The following NAALADL2 variants were observed in gnomAD, a reference collection of about 807,000 sequenced individuals.
The protein encoded by NAALADL2 is inactive N-acetylated-alpha-linked acidic dipeptidase-like protein 2.
In NAALADL2, 76 loss-of-function variants were observed where a neutral mutation model predicts 87.2. The ratio of observed to expected loss-of-function variants is 0.87; its 90% CI spans 0.72 to 1.05. The LOEUF (loss-of-function observed/expected upper bound fraction) is 1.05. Ranked by LOEUF, NAALADL2 falls within the 50% of genes least tolerant of loss-of-function variation. The pLI is 0.00. For missense variants in NAALADL2, 1,089 were observed against 945.8 expected, an observed-to-expected ratio of 1.15 and a Z score of -1.99; for synonymous variants, 354 against 331.0, an observed-to-expected ratio of 1.07 and a Z score of -0.75.
At chr3:174,493,082 G>A (rs1052442294) in intron 1 of NAALADL2, among the ~76,000 whole-genome samples, 9 of 152,112 alleles carry the variant, frequency 5.9e-5, no homozygotes, top group African/African-American at 1.9e-4. Context: ...GAAACATTCT[G>A]AAAACTTTCA....
intron 1 of NAALADL2, among the ~76,000 whole-genome samples, chr3:175,040,362 C>T (rs1753920466): frequency 6.6e-6 from 1 of 152,158 alleles, no homozygotes; most frequent in African/African-American, 2.4e-5. Context: ...GTGCACCATT[C>T]ACAGAGCCTG....
intron 2 of NAALADL2, among the ~76,000 whole-genome samples, chr3:174,667,285 G>T (rs525629): frequency 0.64 from 97,872 of 151,968 alleles, 32,253 homozygotes; most frequent in Admixed American, 0.73. Flanking sequence ...GCGAGGTCTG[G>T]TATAAAGAAA....
At chr3:175,795,889 G>T (rs1330287094) in intron 13 of NAALADL2, among the ~76,000 whole-genome samples, 1 of 151,734 alleles carries the variant, frequency 6.6e-6, no homozygotes, top group African/African-American at 2.4e-5. Context: ...TCTGGTTGTG[G>T]CTGGGCTGGG....
chr3:174,890,674 C>T (rs112953252), intron 1 of NAALADL2, among the ~76,000 whole-genome samples: 11 of 152,240 alleles, frequency 7.2e-5, no homozygotes, highest in African/African-American at 2.6e-4. Context: ...AGTCCAAAAA[C>T]AAGTGTGAGA....
Position 175,627,212 on chromosome 3 carries a change from C to T in NAALADL2, c.1801-79C>T, listed in dbSNP as rs1727106512. On this transcript the variant is annotated intron_variant, in intron 10 of 13. Coordinates refer to ENST00000454872, the MANE Select transcript of NAALADL2 (RefSeq NM_207015.3). ...AAGGCAATTTAGAGTCCTTTTTAAT[C>T]TTTAAGGAAAATCCAATAAACACTT... is the stretch of plus-strand genomic sequence containing the variant. 1.4e-5 allele frequency: 17 copies of T among 1,189,048 alleles called. 1 individual carries two copies. In the South Asian group the frequency reaches 2.4e-4, roughly 17 times the overall value. 73.7% of individuals were successfully genotyped at this position (1,189,048 alleles called of 1,614,324 possible). A position where few individuals can be genotyped will look rare whatever the true frequency, so the allele number is the denominator to read the frequency against.
intron 5 of NAALADL2, among the ~76,000 whole-genome samples, chr3:175,428,266 T>C (rs1420019742): frequency 6.6e-6 from 1 of 152,090 alleles, no homozygotes. Flanking sequence ...AGCTAGAAAA[T>C]GGGAAGTACT....
chr3:175,309,119 A>G lies in NAALADL2; in HGVS notation c.940-15056A>G, dbSNP rs192864689. Among the ~76,000 whole-genome samples the G allele has an allele frequency of 1.3e-3, 192 of 152,360 alleles. 1 individual carries two copies. Among genetic ancestry groups the G allele is most frequent in the African/African-American group, 4.4e-3 (181 of 41,584 alleles). On this transcript the variant is annotated intron_variant, in intron 4 of 13. Coordinates refer to ENST00000454872, the MANE Select transcript of NAALADL2 (RefSeq NM_207015.3). The stretch of plus-strand genomic sequence containing the variant: ...ATAGATCCCTTCTTTTTAATGAAGA[A>G]AAATGAATAATAAAGTAACAAATTT...
chr3:175,057,486 C>G (rs1158742194), intron 1 of NAALADL2, among the ~76,000 whole-genome samples: 3 of 152,178 alleles, frequency 2.0e-5, no homozygotes, highest in Admixed American at 6.5e-5. Flanking sequence ...ATGTAGGAGA[C>G]TTTTTGTATT....
intron 2 of NAALADL2, among the ~76,000 whole-genome samples, chr3:174,617,129 G>A (rs1346740746): frequency 6.6e-6 from 1 of 151,674 alleles, no homozygotes; most frequent in African/African-American, 2.4e-5. Context: ...CTGCTTTAAG[G>A]TACTAAATCT....
chr3:174,661,820 C>T lies in NAALADL2; in HGVS notation c.-114-75821C>T, dbSNP rs144671567. On this transcript the variant is annotated intron_variant, in intron 2 of 3. Transcript: ENST00000434257. The stretch of plus-strand genomic sequence containing the variant: ...ATAAAGAAAATGTGGTATACACATG[C>T]GTGCACGCACACACACACACACACG... Among the ~76,000 whole-genome samples, 876 of 152,114 alleles carry T rather than the reference C, an allele frequency of 5.8e-3. 7 individuals are homozygous for T. Among genetic ancestry groups the T allele is most frequent in the Non-Finnish European group, 9.7e-3 (661 of 67,964 alleles).
In NAALADL2 at chr3:175,104,678, A is replaced by G. The variant is rs868538; in HGVS notation, c.545+7387A>G. Reference sequence around the variant, plus strand: ...CAACTGCTATTTTAATTAGAGAAAAACATGTAAATGCATGCACATAATTCA... The same window carrying G: ...CAACTGCTATTTTAATTAGAGAAAAGCATGTAAATGCATGCACATAATTCA... On this transcript the variant is annotated intron_variant, in intron 2 of 13. Coordinates refer to ENST00000454872, the MANE Select transcript of NAALADL2 (RefSeq NM_207015.3). Among the ~76,000 whole-genome samples, 1,162 of 152,264 alleles carry G rather than the reference A, an allele frequency of 7.6e-3. 13 individuals carry two copies. The highest frequency in any genetic ancestry group is 0.026 in the African/African-American group (1,091 of 41,554).
At chr3:174,987,613 G>A (rs955653868) in intron 1 of NAALADL2, among the ~76,000 whole-genome samples, 1 of 134,646 alleles carries the variant, frequency 7.4e-6, no homozygotes, top group African/African-American at 2.8e-5. Context: ...ACTCATCAGA[G>A]AGCATTATTA....
intron 3 of NAALADL2, among the ~76,000 whole-genome samples, chr3:174,793,772 G>A (rs1203955512): frequency 6.6e-6 from 1 of 150,664 alleles, no homozygotes; most frequent in Non-Finnish European, 1.5e-5. Context: ...ACTGTTTACA[G>A]GTTTTGAAAA....
chr3:174,676,601 TTTC>T (rs1416562291), intron 2 of NAALADL2, among the ~76,000 whole-genome samples: 3 of 152,100 alleles, frequency 2.0e-5, no homozygotes, highest in African/African-American at 7.2e-5. Context: ...CTTAAAGATT[TTTC>T]TTCATCTATA....
At chr3:174,632,744 G>A (rs2108700781) in intron 2 of NAALADL2, among the ~76,000 whole-genome samples, 1 of 152,028 alleles carries the variant, frequency 6.6e-6, no homozygotes, top group African/African-American at 2.4e-5. Flanking sequence ...GACCATCCTG[G>A]TCAAATATGG....
chr3:175,800,739 A>C (rs1754047208), intron 13 of NAALADL2, among the ~76,000 whole-genome samples: 1 of 152,158 alleles, frequency 6.6e-6, no homozygotes, highest in Non-Finnish European at 1.5e-5. Context: ...AATTTAACTA[A>C]GTTAAATCAC....
chr3:175,450,231 G>C (rs906502476), intron 6 of NAALADL2, among the ~76,000 whole-genome samples: 1 of 152,026 alleles, frequency 6.6e-6, no homozygotes, highest in Non-Finnish European at 1.5e-5. Flanking sequence ...TCACAGTGAT[G>C]TATATCAGGA....
At chr3:174,670,150 A>C (rs1324493268) in intron 2 of NAALADL2, among the ~76,000 whole-genome samples, 1 of 151,880 alleles carries the variant, frequency 6.6e-6, no homozygotes, top group Non-Finnish European at 1.5e-5. Context: ...GAAACTTTAG[A>C]GTTTTGTACG....
intron 12 of NAALADL2, among the ~76,000 whole-genome samples, chr3:175,740,232 G>A (rs1215495815): frequency 6.6e-6 from 1 of 152,186 alleles, no homozygotes; most frequent in Non-Finnish European, 1.5e-5. Flanking sequence ...GTAAACAAAA[G>A]GAGAACAGAG....
Sources: gnomAD v4.1 joint callset for allele counts (sites outside exome capture counted in the v4.1 genomes callset) on GRCh38, gnomAD v4.1.1 for gene constraint, MANE v1.5 for transcripts, NCBI Gene and HGNC (gene_info 2026-07-23, HGNC 2026-07-21) for gene names.